The following RXFP1 variants were observed in gnomAD, a reference collection of about 807,000 sequenced individuals.
RXFP1 encodes the protein relaxin family peptide receptor 1.
In RXFP1, 73 loss-of-function variants were observed where a neutral mutation model predicts 89.8. The observed-to-expected ratio is 0.81, with a 90% CI of 0.67 to 0.99. RXFP1 has a LOEUF of 0.99. Ranked by LOEUF, RXFP1 falls within the 50% of genes least tolerant of loss-of-function variation. RXFP1 has a pLI of 0.00. For missense variants in RXFP1, 793 were observed against 895.5 expected, an observed-to-expected ratio of 0.89 and a Z score of 1.46; for synonymous variants, 277 against 305.5, an observed-to-expected ratio of 0.91 and a Z score of 0.97.
rs80031812 is a variant in RXFP1, at chr4:158,532,601, A to T, written c.49+10576A>T. Among the ~76,000 whole-genome samples the T allele has an allele frequency of 2.0e-5, 3 of 152,184 alleles. No individual in the cohort carries two copies. The East Asian group carries it at 5.8e-4, about 29-fold the overall frequency. The stretch of plus-strand genomic sequence containing the variant: ...CTTTGCCAGCTACTCATGAGGGTTA[A>T]CTCACTCTGGCACGGATGAGTGACA... On this transcript the variant is annotated intron_variant, in intron 1 of 17. Transcript: ENST00000307765.
chr4:158,628,551 T>C, intron 10 of RXFP1, 87 bp from the exon 11 acceptor site: 1 of 587,814 alleles, frequency 1.7e-6, no homozygotes, highest in Non-Finnish European at 3.0e-6. Context: ...ATATTCATTA[T>C]CTTTGTTTCT....
At position 158,607,027 on chromosome 4, in the gene RXFP1, A is replaced by G. The variant is rs192062645; in HGVS notation, c.465-945A>G. ...TCTTATTGCTCCTAAAAGTTATAAC[A>G]AATTGCATATAAACTTTCAGGACAC... is the stretch of plus-strand genomic sequence containing the variant. On this transcript the variant is annotated intron_variant, in intron 5 of 17. Transcript: ENST00000307765. The G allele has an allele frequency of 7.7e-5, 116 of 1,502,984 alleles. No individual in the cohort carries two copies. In the African/African-American group the frequency reaches 1.5e-3, roughly 20 times the overall value. 93.1% of individuals were successfully genotyped at this position (1,502,984 alleles called of 1,614,324 possible).
upstream of RXFP1, chr4:158,521,833 T>C (rs538171726): frequency 4.6e-5 from 26 of 559,730 alleles, no homozygotes; most frequent in Non-Finnish European, 8.0e-5. Flanking sequence ...AGAAAGGAAA[T>C]GGGAGTGGAA....
rs74681355 is a variant in RXFP1, at chr4:158,550,418, G to A, written c.50-22280G>A. Reference sequence around the variant, plus strand: ...CACTTCCCGTGTGAGGCAATGCCTCGCCCTGCTTCGGCTCACACCTGGTGC... The same window carrying A: ...CACTTCCCGTGTGAGGCAATGCCTCACCCTGCTTCGGCTCACACCTGGTGC... On this transcript the variant is annotated intron_variant, in intron 1 of 17. Transcript: ENST00000307765. Among the ~76,000 whole-genome samples, 523 of 152,340 alleles carry A rather than the reference G, an allele frequency of 3.4e-3. 1 individual carries two copies. Among genetic ancestry groups the A allele is most frequent in the African/African-American group, 0.012 (491 of 41,574 alleles).
At chr4:158,547,099 A>G (rs973288690) in intron 1 of RXFP1, among the ~76,000 whole-genome samples, 1 of 152,024 alleles carries the variant, frequency 6.6e-6, no homozygotes, top group African/African-American at 2.4e-5. Flanking sequence ...TTGGTTGGTA[A>G]GCTATTGATT....
intron 14 of RXFP1, among the ~76,000 whole-genome samples, chr4:158,643,353 C>T (rs1487368026): frequency 6.6e-6 from 1 of 151,798 alleles, no homozygotes; most frequent in Non-Finnish European, 1.5e-5. Flanking sequence ...TAAATACTTT[C>T]TTTTTAGCTC....
At chr4:158,590,093 A>G (rs568059815) in intron 2 of RXFP1, among the ~76,000 whole-genome samples, 1 of 152,256 alleles carries the variant, frequency 6.6e-6, no homozygotes, top group South Asian at 2.1e-4. Flanking sequence ...TATGAATTCA[A>G]CTTATACTGT....
At position 158,605,137 on chromosome 4, in the gene RXFP1, G is replaced by A; in HGVS notation, c.462G>A (p.Lys154=). ...TCAAGAATTATCATGATCTTCAGAA[G>A]CTGTAAGAAAATACTTAATTCCTGG... ...DCFKNYHDLQ[K]LYLQNNKITS... The change falls in exon 5 of 18, where the codon AAG becomes AAA. Residue 154 remains lysine, a splice_region_variant and synonymous_variant. Transcript: ENST00000307765. 1.9e-6 allele frequency: 3 copies of A among 1,578,736 alleles called. No homozygotes were observed. Among genetic ancestry groups the A allele is most frequent in the South Asian group, 1.1e-5 (1 of 87,268 alleles).
chr4:158,592,648 C>T lies in RXFP1; in HGVS notation c.188-753C>T, dbSNP rs1476467196. ...TCTAGCCATGTTTATACATCTCCAA[C>T]ATCAGTTTTAGAGATTGAAGAAGAT... On this transcript the variant is annotated intron_variant, in intron 2 of 17. Transcript: ENST00000307765. 2.0e-5 allele frequency among the ~76,000 whole-genome samples: 3 copies of T among 152,278 alleles called. No homozygotes were observed. In the East Asian group the frequency reaches 5.8e-4, roughly 29 times the overall value.
chr4:158,541,850 A>G (rs1384024751), intron 1 of RXFP1, among the ~76,000 whole-genome samples: 1 of 151,894 alleles, frequency 6.6e-6, no homozygotes, highest in Non-Finnish European at 1.5e-5. Flanking sequence ...TGAAGTCTAT[A>G]TTTATATTTC....
chr4:158,540,203 C>T (rs1315677654), intron 1 of RXFP1, among the ~76,000 whole-genome samples: 2 of 152,092 alleles, frequency 1.3e-5, no homozygotes, highest in Non-Finnish European at 2.9e-5. Flanking sequence ...AGAATGGCTA[C>T]TCCGTAGGCA....
rs146523004 is a variant in RXFP1, at chr4:158,648,987, G to A, written c.1975+270G>A. ...AACTAGCTGGGCATGGTGGTGCACC[G>A]CTGCAGTCCCAACTACTCAGGAGGC... On this transcript the variant is annotated intron_variant, in intron 17 of 17. Transcript: ENST00000307765. 4.8e-3 allele frequency among the ~76,000 whole-genome samples: 734 copies of A among 152,154 alleles called. 5 individuals are homozygous for A. The highest frequency in any genetic ancestry group is 0.016 in the African/African-American group (679 of 41,514).
chr4:158,611,144 G>A (rs1763500261), intron 6 of RXFP1, among the ~76,000 whole-genome samples: 1 of 152,196 alleles, frequency 6.6e-6, no homozygotes, highest in Non-Finnish European at 1.5e-5. Flanking sequence ...ACCATAGGAA[G>A]TAGATCCTGA....
intron 1 of RXFP1, 90 bp downstream of exon 1, chr4:158,522,115 T>A: frequency 1.4e-6 from 1 of 717,450 alleles, no homozygotes; most frequent in Non-Finnish European, 2.3e-6. Flanking sequence ...TTTATGCTTT[T>A]AAGATAAAAT....
At chr4:158,573,317 A>C (rs1183106742) in intron 2 of RXFP1, among the ~76,000 whole-genome samples, 4 of 151,658 alleles carry the variant, frequency 2.6e-5, no homozygotes, top group Admixed American at 1.3e-4. Flanking sequence ...CTTAATATCC[A>C]CTCGTTTCCA....
rs1561017007 is a variant in RXFP1, at chr4:158,563,529, CA to C, written c.50-9168del. 4.6e-4 allele frequency among the ~76,000 whole-genome samples: 69 copies of C among 151,478 alleles called. 1 individual carries two copies. Among genetic ancestry groups the C allele is most frequent in the South Asian group, 1.2e-3 (6 of 4,804 alleles). The stretch of plus-strand genomic sequence containing the variant: ...ACACACACACACACACACACACACA[CA>C]CACACACCCCAACAGGAATACTGAA... On this transcript the variant is annotated intron_variant, in intron 1 of 17. Transcript: ENST00000307765.
Position 158,521,988 on chromosome 4 carries a change from T to A in RXFP1, c.12T>A (p.Gly4=), listed in dbSNP as rs143930882. MTS[G]SVFFYILIFG... ...TCAGATAGAAGGAAATGACATCTGG[T>A]TCTGTCTTCTTCTACATCTTAATTT... is the stretch of plus-strand genomic sequence containing the variant. Residue 4 remains glycine, a synonymous_variant, in exon 1 of 18, where the codon GGT becomes GGA. Coordinates refer to ENST00000307765, the MANE Select transcript of RXFP1 (RefSeq NM_021634.4). 127 of 1,608,474 alleles carry A rather than the reference T, an allele frequency of 7.9e-5. No individual in the cohort carries two copies. The East Asian group carries it at 2.8e-3, about 35-fold the overall frequency.
At chr4:158,599,006 T>C (rs1250246242) in intron 3 of RXFP1, among the ~76,000 whole-genome samples, 1 of 151,050 alleles carries the variant, frequency 6.6e-6, no homozygotes, top group Non-Finnish European at 1.5e-5. Context: ...CAGACTGTTC[T>C]CCATTCATTG....
chr4:158,649,268 C>T (rs1003055566), intron 17 of RXFP1, among the ~76,000 whole-genome samples: 7 of 152,080 alleles, frequency 4.6e-5, no homozygotes, highest in East Asian at 1.9e-4. Flanking sequence ...AAATTCCACA[C>T]GGTGTTGAAA....
Sources: allele counts gnomAD v4.1 joint callset (sites outside exome capture counted in the v4.1 genomes callset), GRCh38; gene constraint gnomAD v4.1.1; transcripts MANE v1.5; gene names NCBI Gene and HGNC (gene_info 2026-07-23, HGNC 2026-07-21).